The following KIF9 variants were observed in gnomAD, a reference collection of about 807,000 sequenced individuals.
KIF9 encodes the protein kinesin-like protein KIF9.
A neutral mutation model predicts 94.8 loss-of-function variants in KIF9; 68 were observed. The observed-to-expected ratio is 0.72, with a 90% CI of 0.59 to 0.88. KIF9 has a LOEUF of 0.88. Ranked by LOEUF, KIF9 falls within the 40% of genes least tolerant of loss-of-function variation. The pLI, the probability that KIF9 is intolerant of heterozygous loss-of-function variation, is 0.00. For missense variants in KIF9, 882 were observed against 982.5 expected (o/e 0.90, Z 1.37); for synonymous variants, 343 against 362.1 (o/e 0.95, Z 0.60).
intron 20 of KIF9, among the ~76,000 whole-genome samples, chr3:47,231,396 A>G (rs1417478429): frequency 7.3e-6 from 1 of 136,618 alleles, no homozygotes; most frequent in African/African-American, 2.7e-5. Flanking sequence ...AGGCTCCATC[A>G]GTATCTACTT....
rs181121309 is a variant in KIF9 at position 47,247,971 on chromosome 3, C to T, written c.1128+47G>A. The T allele has an allele frequency of 2.8e-5, 41 of 1,455,248 alleles. No individual in the cohort carries two copies. In the East Asian group the frequency reaches 8.6e-4, roughly 31 times the overall value. The allele number at this position is 1,455,248 out of a possible 1,614,324, so 90.1% of individuals were successfully genotyped here. ...CCTAGCCCCAGTCCCTCTAGTCACC[C>T]CCTACCCCAGCACCTCTGCCCTCCT... On this transcript the variant is annotated intron_variant, in intron 11 of 20. Transcript: ENST00000684063.
At chr3:47,266,939 G>C (rs747918256) in intron 7 of KIF9, 37 bp downstream of exon 7, 4 of 1,487,326 alleles carry the variant, frequency 2.7e-6, no homozygotes, top group Non-Finnish European at 3.8e-6. Context: ...AGGGCTTGTG[G>C]TTTATTGAGT....
Position 47,282,166 on chromosome 3 carries a change from G to A in KIF9, c.-6+329C>T, listed in dbSNP as rs1047439439. 15 of 983,674 alleles carry A rather than the reference G, an allele frequency of 1.5e-5. No homozygotes were observed. The East Asian group carries it at 4.5e-4, about 30-fold the overall frequency. The allele number at this position is 983,674 out of a possible 1,614,324, so 60.9% of individuals were successfully genotyped here. On this transcript the variant is annotated intron_variant, in intron 1 of 20. Transcript: ENST00000684063. ...TGTAACACGAAGGGCTCCGACTGGT[G>A]ATCCCAAAGCCCCCTCTAGTTCGAA...
intron 5 of KIF9, among the ~76,000 whole-genome samples, chr3:47,267,870 TC>T (rs1193360402): frequency 6.7e-6 from 1 of 149,656 alleles, no homozygotes; most frequent in Admixed American, 6.6e-5. Flanking sequence ...TTTTGTGTTC[TC>T]CTTTTTTTTT....
At chr3:47,239,041 A>C (rs1388343196) in intron 17 of KIF9, among the ~76,000 whole-genome samples, 1 of 152,154 alleles carries the variant, frequency 6.6e-6, no homozygotes, top group Non-Finnish European at 1.5e-5. Flanking sequence ...TCTACTAAAA[A>C]CACAAAATTA....
intron 20 of KIF9, among the ~76,000 whole-genome samples, chr3:47,231,575 C>T (rs1346942406): frequency 1.3e-5 from 2 of 152,006 alleles, no homozygotes; most frequent in Non-Finnish European, 2.9e-5. Context: ...CATGCACCAC[C>T]ATGGCTGGCT....
At chr3:47,234,261 T>G (rs1698844128) in intron 20 of KIF9, among the ~76,000 whole-genome samples, 1 of 151,136 alleles carries the variant, frequency 6.6e-6, no homozygotes, top group Non-Finnish European at 1.5e-5. Context: ...AGACGGAGTC[T>G]CTCATTCTGT....
At chr3:47,253,138 T>C (rs980084895) in intron 10 of KIF9, among the ~76,000 whole-genome samples, 4 of 152,160 alleles carry the variant, frequency 2.6e-5, no homozygotes, top group African/African-American at 9.7e-5. Flanking sequence ...TGCTGTCACA[T>C]TGGCTTCAGG....
chr3:47,257,139 T>G (rs1246011829), intron 10 of KIF9, among the ~76,000 whole-genome samples: 1 of 149,770 alleles, frequency 6.7e-6, no homozygotes, highest in East Asian at 2.0e-4. Flanking sequence ...GAATGATCAA[T>G]AAAAAAATAA....
At chr3:47,259,705 C>CA (rs1277051348) in intron 9 of KIF9, among the ~76,000 whole-genome samples, 1 of 148,802 alleles carries the variant, frequency 6.7e-6, no homozygotes, top group African/African-American at 2.5e-5. Flanking sequence ...TGTGTCAACT[C>CA]AGAGTTAAAT....
At chr3:47,280,839 A>G (rs1206015409) in intron 1 of KIF9, 2 of 694,274 alleles carry the variant, frequency 2.9e-6, no homozygotes, top group Admixed American at 4.0e-5. Flanking sequence ...GCAGGCCAGG[A>G]GCCATATCCA....
chr3:47,262,279 T>TG (rs894087243), intron 9 of KIF9, among the ~76,000 whole-genome samples: 6 of 151,526 alleles, frequency 4.0e-5, no homozygotes, highest in Admixed American at 1.3e-4. Context: ...TTTTTGTTTT[T>TG]TTTTTTTCTT....
At chr3:47,236,224 G>C in intron 18 of KIF9, 75 bp from the exon 19 acceptor site, 2 of 1,188,138 alleles carry the variant, frequency 1.7e-6, no homozygotes, top group Non-Finnish European at 2.5e-6. Flanking sequence ...TATATCTGTT[G>C]CAGGCTCACC....
intron 11 of KIF9, among the ~76,000 whole-genome samples, chr3:47,247,793 T>C (rs1034241928): frequency 6.6e-6 from 1 of 152,136 alleles, no homozygotes; most frequent in Admixed American, 6.5e-5. Flanking sequence ...ACGGGAGGCA[T>C]GCGCTGCCTC....
chr3:47,239,438 T>C, intron 17 of KIF9: 3 of 415,414 alleles, frequency 7.2e-6, no homozygotes, highest in Non-Finnish European at 1.0e-5. Context: ...GGTATGTCTA[T>C]AGCCACCATC....
chr3:47,237,257 C>G (rs531933419), intron 17 of KIF9, among the ~76,000 whole-genome samples: 1 of 152,308 alleles, frequency 6.6e-6, no homozygotes, highest in South Asian at 2.1e-4. Context: ...CCACGCCCAG[C>G]TAATTTTTGT....
chr3:47,266,395 G>A (rs1576053107), intron 7 of KIF9, among the ~76,000 whole-genome samples: 3 of 152,284 alleles, frequency 2.0e-5, no homozygotes, highest in South Asian at 4.1e-4. Flanking sequence ...TGTAATCCCA[G>A]CACTTTGGGA....
intron 8 of KIF9, among the ~76,000 whole-genome samples, 192 bp downstream of exon 8, chr3:47,265,538 T>C (rs1162512629): frequency 6.6e-6 from 1 of 152,158 alleles, no homozygotes; most frequent in East Asian, 1.9e-4. Flanking sequence ...GAGGAGTGAA[T>C]AGCATAGTGT....
At chr3:47,282,233 T>C in intron 1 of KIF9, 1 of 985,564 alleles carries the variant, frequency 1.0e-6, no homozygotes, top group Non-Finnish European at 1.2e-6. Context: ...TCTGGCTCCC[T>C]GCCTCACGGC....
Sources: gnomAD v4.1 joint callset for allele counts (sites outside exome capture counted in the v4.1 genomes callset) on GRCh38, gnomAD v4.1.1 for gene constraint, MANE v1.5 for transcripts, NCBI Gene and HGNC (gene_info 2026-07-23, HGNC 2026-07-21) for gene names.